ABLIM1: variants seen among roughly 807,000 people sequenced by gnomAD.
The protein encoded by ABLIM1 is actin binding LIM protein 1.
ABLIM1 carries 40 observed loss-of-function variants against 107.0 expected under a neutral mutation model. That is an observed-to-expected ratio of 0.37 (90% CI 0.29 to 0.49). The LOEUF is 0.49. ABLIM1 is among the 20% of genes least tolerant of loss of function. The probability of loss-of-function intolerance (pLI) is 0.97; values close to 1 mark genes in which losing one functional copy is unlikely to be tolerated. For missense variants in ABLIM1, 857 were observed against 1,008.5 expected (o/e 0.85, Z 2.04); for synonymous variants, 357 against 357.3 (o/e 1.00, Z 0.01).
chr10:114,592,536 T>A (rs2075000347), intron 2 of ABLIM1, among the ~76,000 whole-genome samples: 1 of 152,106 alleles, frequency 6.6e-6, no homozygotes, highest in South Asian at 2.1e-4. Context: ...GACCTTTTTC[T>A]AAGGATCATC....
chr10:114,498,625 T>G (rs2475229), intron 6 of ABLIM1, among the ~76,000 whole-genome samples: 145,045 of 152,296 alleles, frequency 0.95, 69,102 homozygotes, highest in East Asian at 1. Flanking sequence ...GGCCCTGAAG[T>G]TCAACCTTAA....
At chr10:114,787,878 G>A in the ABLIM1 span, among the ~76,000 whole-genome samples, 1 of 147,598 alleles carries the variant, frequency 6.8e-6, no homozygotes, top group South Asian at 2.2e-4. Context: ...GCAGTTTTGT[G>A]GAATAGAAAG....
intron 1 of ABLIM1, among the ~76,000 whole-genome samples, chr10:114,607,558 C>T (rs948029563): frequency 6.6e-6 from 1 of 152,154 alleles, no homozygotes; most frequent in Non-Finnish European, 1.5e-5. Context: ...GCAAGGTAAA[C>T]ATCAACAGTG....
At chr10:114,501,063 C>T (rs1161062416) in intron 6 of ABLIM1, among the ~76,000 whole-genome samples, 7 of 152,146 alleles carry the variant, frequency 4.6e-5, no homozygotes, top group Admixed American at 2.0e-4. Flanking sequence ...ATTACTTTGG[C>T]CAAAAGATGA....
intron 20 of ABLIM1, chr10:114,439,513 TA>T: frequency 1.8e-6 from 1 of 553,644 alleles, no homozygotes; most frequent in Non-Finnish European, 3.2e-6. Context: ...AATGAAAGCA[TA>T]TAGTACATTT....
chr10:114,744,136 A>G (rs2082338642), intron 1 of ABLIM1, among the ~76,000 whole-genome samples: 1 of 152,100 alleles, frequency 6.6e-6, no homozygotes, highest in Admixed American at 6.5e-5. Flanking sequence ...TTCTGGGAAC[A>G]CTCTCTAGGG....
intron 12 of ABLIM1, chr10:114,462,931 C>A: frequency 8.5e-7 from 1 of 1,170,852 alleles, no homozygotes. Context: ...CGCAGGCATG[C>A]TGAGAGCTCA....
intron 4 of ABLIM1, among the ~76,000 whole-genome samples, chr10:114,562,371 T>C (rs904548151): frequency 6.6e-6 from 1 of 151,876 alleles, no homozygotes; most frequent in Non-Finnish European, 1.5e-5. Flanking sequence ...CTACTAAAAA[T>C]ACAAAAAATT....
At chr10:114,601,215 G>C (rs1228115738) in intron 2 of ABLIM1, among the ~76,000 whole-genome samples, 1 of 149,208 alleles carries the variant, frequency 6.7e-6, no homozygotes, top group Non-Finnish European at 1.5e-5. Flanking sequence ...CAGAGAAAAA[G>C]AAAAAATAAG....
At chr10:114,438,962 C>A (rs2059809889) in intron 21 of ABLIM1, among the ~76,000 whole-genome samples, 1 of 152,354 alleles carries the variant, frequency 6.6e-6, no homozygotes, top group Non-Finnish European at 1.5e-5. Flanking sequence ...GGGACTGGCA[C>A]CTCACTGTAA....
chr10:114,769,309 C>T (rs1002269057), upstream of ABLIM1, among the ~76,000 whole-genome samples: 15 of 148,476 alleles, frequency 1.0e-4, no homozygotes, highest in Non-Finnish European at 7.4e-5. Flanking sequence ...CGGCACTGCA[C>T]TCCAGCCTGG....
chr10:114,454,046 C>T (rs1334194434), intron 12 of ABLIM1, among the ~76,000 whole-genome samples: 1 of 152,188 alleles, frequency 6.6e-6, no homozygotes, highest in Non-Finnish European at 1.5e-5. Flanking sequence ...GTTTTCCTCA[C>T]TTTGAAATAT....
chr10:114,678,445 G>T (rs772992497), intron 1 of ABLIM1, among the ~76,000 whole-genome samples: 12 of 152,162 alleles, frequency 7.9e-5, no homozygotes, highest in Non-Finnish European at 1.8e-4. Context: ...GTCTTCCACA[G>T]CTGACTCTTT....
In ABLIM1 at chr10:114,440,778, G is replaced by C. The variant is rs183596630; in HGVS notation, c.2059+239C>G. ...GCCTGGCCTCTAGGTATCTGATAGA[G>C]TGCTCAGCACATAGTATGAGCAATG... On this transcript the variant is annotated intron_variant, in intron 19 of 22. Transcript: ENST00000533213. 76 of 618,724 alleles carry C rather than the reference G, an allele frequency of 1.2e-4. No individual in the cohort carries two copies. In the East Asian group the frequency reaches 2.1e-3, roughly 17 times the overall value. 38.3% of individuals were successfully genotyped at this position (618,724 alleles called of 1,614,324 possible). A position where few individuals can be genotyped will look rare whatever the true frequency, so the allele number is the denominator to read the frequency against.
chr10:114,750,076 T>C (rs1435460395), intron 1 of ABLIM1, among the ~76,000 whole-genome samples: 2 of 152,228 alleles, frequency 1.3e-5, no homozygotes, highest in African/African-American at 4.8e-5. Flanking sequence ...GCAAGGATTT[T>C]TTTTTAAAAA....
chr10:114,560,408 G>C (rs1350832868), intron 4 of ABLIM1, among the ~76,000 whole-genome samples: 1 of 152,212 alleles, frequency 6.6e-6, no homozygotes, highest in Non-Finnish European at 1.5e-5. Context: ...TTGCAACGAA[G>C]CTGAAAAATT....
Position 114,608,444 on chromosome 10 carries a change from C to T in ABLIM1, c.245-6483G>A, listed in dbSNP as rs1431768710. On this transcript the variant is annotated intron_variant, in intron 1 of 22. Coordinates refer to ENST00000533213, the MANE Select transcript of ABLIM1 (RefSeq NM_002313.7). ...CAGCACTTTGGGAGGCCGAGGCGGG[C>T]GGATCACCTGAGGTTGGGAGTTCGT... Among the ~76,000 whole-genome samples, 9 of 151,934 alleles carry T rather than the reference C, an allele frequency of 5.9e-5. No individual in the cohort carries two copies. The East Asian group carries it at 1.4e-3, about 23-fold the overall frequency.
intron 1 of ABLIM1, among the ~76,000 whole-genome samples, chr10:114,610,139 A>G (rs945678325): frequency 3.9e-5 from 6 of 152,232 alleles, no homozygotes; most frequent in African/African-American, 1.4e-4. Context: ...CCTGCTAGTC[A>G]ATACGCAGAT....
chr10:114,533,129 C>G (rs577665198), intron 6 of ABLIM1, among the ~76,000 whole-genome samples: 3 of 152,140 alleles, frequency 2.0e-5, no homozygotes, highest in Non-Finnish European at 4.4e-5. Context: ...CATTTGAGGT[C>G]AGGAGTTCAA....
Sources: gnomAD v4.1 joint callset for allele counts (sites outside exome capture counted in the v4.1 genomes callset) on GRCh38, gnomAD v4.1.1 for gene constraint, MANE v1.5 for transcripts, NCBI Gene and HGNC (gene_info 2026-07-23, HGNC 2026-07-21) for gene names.